The following CLVS1 variants were observed in gnomAD, a reference collection of about 807,000 sequenced individuals.
CLVS1 encodes clavesin 1.
CLVS1 carries 10 observed loss-of-function variants against 33.1 expected under a neutral mutation model. The ratio of observed to expected loss-of-function variants is 0.30; its 90% CI spans 0.19 to 0.51. CLVS1 has a LOEUF of 0.51. CLVS1 is among the 20% of genes least tolerant of loss of function. CLVS1 has a pLI of 0.97. For missense variants in CLVS1, 343 were observed against 433.4 expected (o/e 0.79, Z 1.85); for synonymous variants, 163 against 166.1 (o/e 0.98, Z 0.14).
chr8:60,979,855 A>G, the CLVS1 span, among the ~76,000 whole-genome samples: 1 of 152,226 alleles, frequency 6.6e-6, no homozygotes, highest in East Asian at 1.9e-4. Context: ...AGGTGATTGT[A>G]GAACTCTTTT....
rs112363475 is a variant in CLVS1, at chr8:61,234,113, G to C, written c.-151-65564G>C. Among the ~76,000 whole-genome samples the C allele has an allele frequency of 2.4e-4, 37 of 152,230 alleles. 1 individual carries two copies. Among genetic ancestry groups the C allele is most frequent in the African/African-American group, 8.9e-4 (37 of 41,532 alleles). On this transcript the variant is annotated intron_variant, in intron 2 of 2. Transcript: ENST00000522621. Reference sequence around the variant, plus strand: ...CAGTGGCAAGGGTAGGAGGGTAGGGGGGCCAGCTTCCTGGTAAATCCTGGA... The same window carrying C: ...CAGTGGCAAGGGTAGGAGGGTAGGGCGGCCAGCTTCCTGGTAAATCCTGGA...
intron 2 of CLVS1, among the ~76,000 whole-genome samples, chr8:61,304,720 G>A (rs1810558157): frequency 6.6e-6 from 1 of 152,210 alleles, no homozygotes; most frequent in Admixed American, 6.5e-5. Context: ...TTGGTCATAA[G>A]CCCAGTTTGC....
chr8:60,980,939 G>T, the CLVS1 span, among the ~76,000 whole-genome samples: 2 of 152,174 alleles, frequency 1.3e-5, no homozygotes, highest in African/African-American at 4.8e-5. Context: ...ACACAGAAGA[G>T]GAGGAGGCCA....
chr8:61,321,574 T>C (rs1471703614), intron 2 of CLVS1, among the ~76,000 whole-genome samples: 3 of 152,068 alleles, frequency 2.0e-5, no homozygotes, highest in Non-Finnish European at 1.5e-5. Flanking sequence ...CATTTCTTTG[T>C]TTCAGCCAAC....
chr8:61,037,975 A>C, the CLVS1 span, among the ~76,000 whole-genome samples: 1 of 152,136 alleles, frequency 6.6e-6, no homozygotes, highest in African/African-American at 2.4e-5. Context: ...CCTGAGGATG[A>C]GAAGAAACCA....
intron 2 of CLVS1, among the ~76,000 whole-genome samples, chr8:61,278,543 G>C (rs1462354030): frequency 1.3e-5 from 2 of 152,160 alleles, no homozygotes; most frequent in African/African-American, 2.4e-5. Flanking sequence ...GGAGGTGTTG[G>C]ACATAACTTT....
intron 2 of CLVS1, among the ~76,000 whole-genome samples, chr8:61,212,716 A>G (rs1807997354): frequency 6.6e-6 from 1 of 152,196 alleles, no homozygotes; most frequent in Non-Finnish European, 1.5e-5. Flanking sequence ...AGCGGGTGTG[A>G]ATAAGGTGAA....
At chr8:61,188,009 G>C (rs1807378663) in intron 2 of CLVS1, among the ~76,000 whole-genome samples, 1 of 152,068 alleles carries the variant, frequency 6.6e-6, no homozygotes, top group Admixed American at 6.6e-5. Context: ...CTGGAAGCTA[G>C]TCCTGAGGTA....
At chr8:61,370,540 A>C (rs1813393342) in intron 2 of CLVS1, 1 of 152,090 alleles carries the variant, frequency 6.6e-6, no homozygotes, top group South Asian at 2.1e-4. Flanking sequence ...CAGGTGCCCG[A>C]CGCCACGTCA....
chr8:61,426,494 T>C (rs979618916), intron 3 of CLVS1, among the ~76,000 whole-genome samples: 3 of 152,214 alleles, frequency 2.0e-5, no homozygotes, highest in Non-Finnish European at 4.4e-5. Flanking sequence ...CATTTATGTA[T>C]GACGATTGAT....
intron 2 of CLVS1, among the ~76,000 whole-genome samples, chr8:61,271,817 A>T (rs1481585867): frequency 6.7e-6 from 1 of 149,540 alleles, no homozygotes; most frequent in African/African-American, 2.5e-5. Flanking sequence ...AGTCTGTTTT[A>T]TCAGAGACTA....
At chr8:61,415,219 T>G (rs1321256652) in intron 3 of CLVS1, among the ~76,000 whole-genome samples, 1 of 152,258 alleles carries the variant, frequency 6.6e-6, no homozygotes. Context: ...CTTTTTGTGT[T>G]ATTCATTTCT....
At chr8:61,439,664 G>C (rs1018152742) in intron 3 of CLVS1, among the ~76,000 whole-genome samples, 2 of 152,190 alleles carry the variant, frequency 1.3e-5, no homozygotes, top group Non-Finnish European at 2.9e-5. Context: ...CCAGGAATGA[G>C]GCAGATAACT....
chr8:61,496,513 G>A (rs1484094548), intron 5 of CLVS1, among the ~76,000 whole-genome samples: 2 of 152,132 alleles, frequency 1.3e-5, no homozygotes, highest in South Asian at 4.1e-4. Context: ...AGAGAAAAAT[G>A]CACTGGAAAT....
At chr8:61,464,343 G>A (rs748719833) in intron 5 of CLVS1, among the ~76,000 whole-genome samples, 7 of 152,134 alleles carry the variant, frequency 4.6e-5, no homozygotes, top group Admixed American at 1.3e-4. Context: ...AAACCCATCC[G>A]TGGTACACTT....
intron 1 of CLVS1, among the ~76,000 whole-genome samples, chr8:61,126,638 C>A (rs1400885967): frequency 1.3e-5 from 2 of 152,164 alleles, no homozygotes; most frequent in Non-Finnish European, 2.9e-5. Context: ...CTCAAACTAC[C>A]TTAAGCACCA....
chr8:61,379,458 CA>C (rs1813779426), intron 3 of CLVS1, among the ~76,000 whole-genome samples: 2 of 149,472 alleles, frequency 1.3e-5, no homozygotes, highest in South Asian at 4.2e-4. Context: ...CCCTCCCAGA[CA>C]GCCCAATCTT....
At chr8:61,164,834 T>C (rs1806825178) in intron 2 of CLVS1, among the ~76,000 whole-genome samples, 1 of 152,222 alleles carries the variant, frequency 6.6e-6, no homozygotes, top group African/African-American at 2.4e-5. Context: ...TCCATGTGTG[T>C]CCATGTCATT....
At chr8:61,147,017 G>A (rs1055780419) in intron 2 of CLVS1, among the ~76,000 whole-genome samples, 17 of 152,166 alleles carry the variant, frequency 1.1e-4, no homozygotes, top group African/African-American at 4.1e-4. Flanking sequence ...ACTCTCCTGG[G>A]GGCCAAATCG....
Sources: allele counts gnomAD v4.1 joint callset (sites outside exome capture counted in the v4.1 genomes callset), GRCh38; gene constraint gnomAD v4.1.1; transcripts MANE v1.5; gene names NCBI Gene and HGNC (gene_info 2026-07-23, HGNC 2026-07-21).